Variants in SIM1 observed in about 807,000 individuals in gnomAD.
The protein encoded by SIM1 is SIM bHLH transcription factor 1.
SIM1 carries 18 observed loss-of-function variants against 78.2 expected under a neutral mutation model. The ratio of observed to expected loss-of-function variants is 0.23; its 90% CI spans 0.16 to 0.34. The LOEUF is 0.34. SIM1 is among the 10% of genes least tolerant of loss of function. SIM1 has a pLI of 1.00. For synonymous variants in SIM1, 417 were observed against 385.2 expected (o/e 1.08, Z -0.97); for missense variants, 939 against 975.1 (o/e 0.96, Z 0.49).
At chr6:100,421,333 C>G (rs1007535163) in intron 9 of SIM1, among the ~76,000 whole-genome samples, 3 of 152,144 alleles carry the variant, frequency 2.0e-5, no homozygotes, top group Non-Finnish European at 4.4e-5. Context: ...AGAATGTCTA[C>G]TTTCAGCTGT....
At chr6:100,462,020 GA>G (rs1400765498) in intron 2 of SIM1, among the ~76,000 whole-genome samples, 1 of 151,738 alleles carries the variant, frequency 6.6e-6, no homozygotes, top group Non-Finnish European at 1.5e-5. Context: ...CTTTAGCTTG[GA>G]GCATGTTTTT....
chr6:100,438,751 A>G (rs1486111306), intron 9 of SIM1, among the ~76,000 whole-genome samples: 4 of 152,252 alleles, frequency 2.6e-5, no homozygotes, highest in African/African-American at 7.2e-5. Flanking sequence ...AAAATGTGGT[A>G]TATATATACT....
At chr6:100,414,509 TCTC>T (rs1294106127) in intron 10 of SIM1, among the ~76,000 whole-genome samples, 3 of 152,176 alleles carry the variant, frequency 2.0e-5, no homozygotes, top group Admixed American at 6.6e-5. Flanking sequence ...ACTCTAATAA[TCTC>T]CTAAAATTTC....
intron 2 of SIM1, among the ~76,000 whole-genome samples, chr6:100,455,734 T>G (rs900879451): frequency 2.0e-5 from 3 of 152,210 alleles, no homozygotes; most frequent in Non-Finnish European, 4.4e-5. Flanking sequence ...GGGCAAAGAC[T>G]GCGTTGCGAC....
Position 100,393,611 on chromosome 6 carries a change from C to A in SIM1, c.1446G>T (p.Pro482=). Residue 482 remains proline (P), a synonymous_variant, in exon 11 of 12, where the codon CCG becomes CCT. Coordinates refer to ENST00000369208, the MANE Select transcript of SIM1 (RefSeq NM_005068.3). ...CCCACCAGGGCTCCCTCCCGGCCTG[C>A]GGCGTTCCCAGGAAGTACCTGCCTG... ...CEAGRYFLGT[P]QAGREPWWGS... is the part of the protein sequence containing the mutation. 2 of 1,614,122 alleles carry A rather than the reference C, an allele frequency of 1.2e-6. No homozygotes were observed. The highest frequency in any genetic ancestry group is 1.7e-6 in the Non-Finnish European group (2 of 1,179,936).
intron 9 of SIM1, among the ~76,000 whole-genome samples, chr6:100,440,401 A>G (rs1772178029): frequency 6.6e-6 from 1 of 152,174 alleles, no homozygotes; most frequent in Non-Finnish European, 1.5e-5. Context: ...TATAAAAACA[A>G]AATCACAATC....
At chr6:100,440,238 T>A (rs1028296045) in intron 9 of SIM1, among the ~76,000 whole-genome samples, 2 of 152,150 alleles carry the variant, frequency 1.3e-5, no homozygotes, top group Admixed American at 6.5e-5. Flanking sequence ...CCATTTCACA[T>A]ATGGGGCAAC....
intron 2 of SIM1, among the ~76,000 whole-genome samples, chr6:100,459,110 C>T (rs1027941583): frequency 6.6e-6 from 1 of 152,158 alleles, no homozygotes; most frequent in Non-Finnish European, 1.5e-5. Flanking sequence ...GACAACAACT[C>T]CCCTAGAAAT....
chr6:100,412,645 G>A lies in SIM1; in HGVS notation c.1167+8145C>T, dbSNP rs1454421975. On this transcript the variant is annotated intron_variant, in intron 10 of 11. Coordinates refer to ENST00000369208, the MANE Select transcript of SIM1 (RefSeq NM_005068.3). ...GAAGGAAAGAAAGAAAGAAAAGAAAGAAAGAAAGAAAGAGAGAGAGAGAGA... is the reference window on the plus strand; with the variant it reads ...GAAGGAAAGAAAGAAAGAAAAGAAAAAAAGAAAGAAAGAGAGAGAGAGAGA... 2.0e-5 allele frequency among the ~76,000 whole-genome samples: 2 copies of A among 97,970 alleles called. 1 individual carries two copies. Among genetic ancestry groups the A allele is most frequent in the East Asian group, 7.6e-4 (2 of 2,640 alleles). 64.3% of individuals were successfully genotyped at this position (97,970 alleles called of 152,430 possible). A position where few individuals can be genotyped will look rare whatever the true frequency, so the allele number is the denominator to read the frequency against.
At chr6:100,440,766 T>C (rs1017855631) in intron 9 of SIM1, among the ~76,000 whole-genome samples, 3 of 152,182 alleles carry the variant, frequency 2.0e-5, no homozygotes, top group Non-Finnish European at 4.4e-5. Context: ...AAAGACATCA[T>C]AAGCCAAGAA....
chr6:100,462,931 G>T, intron 2 of SIM1: 1 of 185,890 alleles, frequency 5.4e-6, no homozygotes, highest in Non-Finnish European at 1.1e-5. Context: ...CGGTGCTCCT[G>T]GTTTTTACTG....
chr6:100,456,427 G>A (rs994428594), intron 2 of SIM1, among the ~76,000 whole-genome samples: 1 of 152,220 alleles, frequency 6.6e-6, no homozygotes, highest in African/African-American at 2.4e-5. Flanking sequence ...GAGGAAACCA[G>A]CTCCCTTTGC....
At position 100,415,130 on chromosome 6, in the gene SIM1, G is replaced by A. The variant is rs553301999; in HGVS notation, c.1167+5660C>T. On this transcript the variant is annotated intron_variant, in intron 10 of 11. Coordinates refer to ENST00000369208, the MANE Select transcript of SIM1 (RefSeq NM_005068.3). ...TAAAACAGGATGGCACGCACTTTCT[G>A]TAATAAATGTAACTACAAACATGCC... 4.6e-5 allele frequency among the ~76,000 whole-genome samples: 7 copies of A among 152,306 alleles called. No individual in the cohort carries two copies. In the South Asian group the frequency reaches 1.0e-3, roughly 23 times the overall value.
Position 100,393,744 on chromosome 6 carries a change from T to G in SIM1, c.1313A>C (p.Gln438Pro), listed in dbSNP as rs748472934. Reference protein sequence around the residue: ...SQHDASCAYRQFSDRSSLCYG... With the variant: ...SQHDASCAYRPFSDRSSLCYG... ...GCAGAGAGAGCTGCGGTCCGAAAAC[T>G]GTCTGTAGGCGCACGATGCGTCGTG... Residue 438 changes from glutamine to proline, a missense_variant, in exon 11 of 12, where the codon CAG becomes CCG. Transcript: ENST00000369208. 8 of 1,614,186 alleles carry G rather than the reference T, an allele frequency of 5.0e-6. No homozygotes were observed. The highest frequency in any genetic ancestry group is 5.9e-6 in the Non-Finnish European group (7 of 1,180,020).
At chr6:100,426,962 TG>T (rs775169460) in intron 9 of SIM1, among the ~76,000 whole-genome samples, 17 of 152,198 alleles carry the variant, frequency 1.1e-4, no homozygotes, top group Non-Finnish European at 2.1e-4. Context: ...GACATACAAT[TG>T]ATTTGGCTCC....
chr6:100,448,699 G>A (rs1772429776), intron 6 of SIM1, 21 bp from the exon 7 acceptor site: 17 of 1,599,304 alleles, frequency 1.1e-5, no homozygotes, highest in African/African-American at 1.3e-5. Flanking sequence ...GGGATAGGGA[G>A]GGAGACTCAG....
intron 9 of SIM1, among the ~76,000 whole-genome samples, chr6:100,435,901 C>T (rs1204436203): frequency 1.3e-5 from 2 of 152,098 alleles, no homozygotes; most frequent in African/African-American, 2.4e-5. Context: ...ACAGGGCCCA[C>T]CCTGGGTAAC....
At position 100,447,226 on chromosome 6, in the gene SIM1, G is replaced by C. The variant is rs1193892413; in HGVS notation, c.998+42C>G. 4 of 1,599,412 alleles carry C rather than the reference G, an allele frequency of 2.5e-6. No homozygotes were observed. In the Admixed American group the frequency reaches 6.7e-5, roughly 27 times the overall value. ...CCACCCGCACTCTCGCAGAGAGCAG[G>C]GTCGCCTGGGGTGGGTGAAGGGGTC... On this transcript the variant is annotated intron_variant, in intron 9 of 11. Coordinates refer to ENST00000369208, the MANE Select transcript of SIM1 (RefSeq NM_005068.3).
intron 9 of SIM1, among the ~76,000 whole-genome samples, chr6:100,444,163 A>T (rs1772292544): frequency 6.6e-6 from 1 of 152,116 alleles, no homozygotes; most frequent in African/African-American, 2.4e-5. Context: ...GCTATGAATA[A>T]TTAATAATAC....
Sources: allele counts gnomAD v4.1 joint callset (sites outside exome capture counted in the v4.1 genomes callset), GRCh38; gene constraint gnomAD v4.1.1; transcripts MANE v1.5; gene names NCBI Gene and HGNC (gene_info 2026-07-23, HGNC 2026-07-21).